RAD51AP2: variants seen among roughly 807,000 people sequenced by gnomAD.
RAD51AP2 encodes RAD51 associated protein 2, also known as RAD51-associated protein 2.
Under a neutral mutation model 85.5 loss-of-function variants are expected in RAD51AP2, and 67 were observed. The ratio of observed to expected loss-of-function variants is 0.78; its 90% confidence interval spans 0.64 to 0.96. The LOEUF (loss-of-function observed/expected upper bound fraction) is 0.96. RAD51AP2 is among the 40% of genes least tolerant of loss of function. The pLI is 0.00. For synonymous variants in RAD51AP2, 474 were observed against 446.5 expected (o/e 1.06, Z -0.78); for missense variants, 1,307 against 1,332.4 (o/e 0.98, Z 0.30).
In RAD51AP2 at chr2:17,517,556, T is replaced by G; in HGVS notation, c.860A>C (p.Glu287Ala). The change falls in exon 1 of 3, where the codon GAG becomes GCG. Residue 287 changes from glutamate to alanine, a missense_variant. This residue lies in a region of RAD51AP2 where 635 missense variants were observed against 643.6 expected (regional missense o/e 0.99). Transcript: ENST00000399080. ...GTTTGTGAAATCCCTAACATATGCC[T>G]CTTTTTTGTCATTCTTTTTCTTCGC... ...EIAKKKNDKKEAYVRDFTNIY... is the reference protein window; with the variant it reads ...EIAKKKNDKKAAYVRDFTNIY... The G allele has an allele frequency of 6.2e-7, 1 of 1,613,700 alleles. No homozygotes were observed. The highest frequency in any genetic ancestry group is 1.1e-5 in the South Asian group (1 of 90,860).
At chr2:17,529,681 C>T in the RAD51AP2 span, among the ~76,000 whole-genome samples, 1 of 152,120 alleles carries the variant, frequency 6.6e-6, no homozygotes, top group Non-Finnish European at 1.5e-5. Context: ...ATATTCCATT[C>T]ATATTAAGAC....
the RAD51AP2 span, among the ~76,000 whole-genome samples, chr2:17,537,481 T>C: frequency 6.6e-6 from 1 of 152,214 alleles, no homozygotes; most frequent in Non-Finnish European, 1.5e-5. Flanking sequence ...TATAAATCCA[T>C]TCTTCAATTC....
chr2:17,531,448 A>T, the RAD51AP2 span, among the ~76,000 whole-genome samples: 1 of 152,218 alleles, frequency 6.6e-6, no homozygotes, highest in Admixed American at 6.5e-5. Flanking sequence ...GAATTCAGTC[A>T]ATGAATGTTT....
chr2:17,516,903 G>C lies in RAD51AP2; in HGVS notation c.1513C>G (p.Pro505Ala). The change falls in exon 1 of 3, where the codon CCT becomes GCT. Residue 505 changes from proline (P) to alanine (A), a missense_variant. By Grantham distance (27) the Pro-to-Ala change is conservative (BLOSUM62 -1). Transcript: ENST00000399080. ...ATTTCTATAATGAAACTTTCAAAAG[G>C]GTTGTTCACATGAAAGACTTTTTGT... ...TTQKVFHVNN[P>A]FESFIIEIFY... is the part of the protein sequence containing the mutation. 6.3e-7 allele frequency: 1 copy of C among 1,587,628 alleles called. No homozygotes were observed.
At chr2:17,523,279 A>C (rs180740536), upstream of RAD51AP2, among the ~76,000 whole-genome samples, 1 of 152,066 alleles carries the variant, frequency 6.6e-6, no homozygotes, top group Admixed American at 6.5e-5. Context: ...TTACAGATTC[A>C]GAAGAGTTGA....
At chr2:17,532,873 C>G in the RAD51AP2 span, among the ~76,000 whole-genome samples, 1 of 152,174 alleles carries the variant, frequency 6.6e-6, no homozygotes, top group East Asian at 1.9e-4. Context: ...TATTAACAGA[C>G]CATGTTCTAC....
the RAD51AP2 span, among the ~76,000 whole-genome samples, chr2:17,534,661 A>G: frequency 4.8e-4 from 73 of 152,282 alleles, no homozygotes; most frequent in African/African-American, 1.8e-3. Context: ...ATCAAATAAC[A>G]TAAGAATAGT....
upstream of RAD51AP2, among the ~76,000 whole-genome samples, chr2:17,522,933 C>A (rs948555359): frequency 2.6e-5 from 4 of 151,854 alleles, no homozygotes; most frequent in Non-Finnish European, 4.4e-5. Context: ...ATACATTTAA[C>A]ATGAAAACTA....
At chr2:17,536,846 T>G in the RAD51AP2 span, among the ~76,000 whole-genome samples, 1 of 152,302 alleles carries the variant, frequency 6.6e-6, no homozygotes, top group East Asian at 1.9e-4. Context: ...CTTCATGGTC[T>G]TGCATTTTTT....
Position 17,516,597 on chromosome 2 carries a change from A to T in RAD51AP2, c.1819T>A (p.Cys607Ser). 1 of 1,580,764 alleles carries T rather than the reference A, an allele frequency of 6.3e-7. No individual in the cohort carries two copies. The highest frequency in any genetic ancestry group is 8.6e-7 in the Non-Finnish European group (1 of 1,165,804). The change falls in exon 1 of 3, where the codon TGC becomes AGC. Residue 607 changes from cysteine to serine, a missense_variant. By Grantham distance (112) the Cys-to-Ser change is moderately radical. This residue lies in a region of RAD51AP2 where 668 missense variants were observed against 671.0 expected (regional missense o/e 1.00). Coordinates refer to ENST00000399080, the MANE Select transcript of RAD51AP2 (RefSeq NM_001099218.3). ...AAATAAAGCATGCACTTGAAAATGC[A>T]TTCCTCTTCTAATTCAAAATCATTT... is the stretch of plus-strand genomic sequence containing the variant. ...IENDFELEEE[C>S]IFKCMLYLKY...
the RAD51AP2 span, among the ~76,000 whole-genome samples, chr2:17,533,152 C>T: frequency 6.6e-6 from 1 of 152,204 alleles, no homozygotes; most frequent in African/African-American, 2.4e-5. Flanking sequence ...TGGCTACAGC[C>T]ATTACCTGTA....
the RAD51AP2 span, among the ~76,000 whole-genome samples, chr2:17,524,586 C>T: frequency 1.1e-4 from 16 of 151,938 alleles, no homozygotes; most frequent in South Asian, 3.3e-3. Context: ...ATTATTCATC[C>T]ATGTTCCCAT....
In RAD51AP2 at chr2:17,511,994, G is replaced by A. The variant is rs1443685998; in HGVS notation, c.3329-1039C>T. ...TTGTTTAAATAAGACAACATTGTTG[G>A]ATCACAAGATCCTCCTCCATTGGTC... On this transcript the variant is annotated intron_variant, in intron 2 of 2. Transcript: ENST00000399080. Among the ~76,000 whole-genome samples, 3 of 152,198 alleles carry A rather than the reference G, an allele frequency of 2.0e-5. No individual in the cohort carries two copies. In the East Asian group the frequency reaches 5.8e-4, roughly 29 times the overall value.
At chr2:17,520,130 C>A (rs375936140), upstream of RAD51AP2, among the ~76,000 whole-genome samples, 34 of 152,192 alleles carry the variant, frequency 2.2e-4, no homozygotes, top group East Asian at 5.6e-3. Flanking sequence ...TGTAACTCAA[C>A]AATTGTTTGA....
chr2:17,516,512 G>A lies in RAD51AP2; in HGVS notation c.1904C>T (p.Ser635Phe). The part of the protein sequence containing the change: ...HTAYLVKILT[S>F]SRLLEDNMKP... ...CATATTATCTTCTAATAGTCTTGAA[G>A]AAGTTAAAATCTTTACTAGATATGC... is the stretch of plus-strand genomic sequence containing the variant. The change falls in exon 1 of 3, where the codon TCT (serine) becomes TTT (phenylalanine). Residue 635 changes from serine to phenylalanine, a missense_variant. By Grantham distance (155) the Ser-to-Phe change is radical (BLOSUM62 -2). This residue lies in a region of RAD51AP2 where 668 missense variants were observed against 671.0 expected (regional missense o/e 1.00). Coordinates refer to ENST00000399080, the MANE Select transcript of RAD51AP2 (RefSeq NM_001099218.3). The A allele has an allele frequency of 6.5e-7, 1 of 1,545,676 alleles. No homozygotes were observed. The highest frequency in any genetic ancestry group is 8.8e-7 in the Non-Finnish European group (1 of 1,133,556).
chr2:17,537,771 A>ATTGT, the RAD51AP2 span, among the ~76,000 whole-genome samples: 1 of 152,138 alleles, frequency 6.6e-6, no homozygotes, highest in African/African-American at 2.4e-5. Flanking sequence ...TACTGTTGGT[A>ATTGT]TTGTTTGTTT....
the RAD51AP2 span, among the ~76,000 whole-genome samples, chr2:17,537,419 T>A: frequency 2.0e-5 from 3 of 152,236 alleles, no homozygotes; most frequent in African/African-American, 7.2e-5. Context: ...GGAATAAAGG[T>A]ATGCTATCCA....
chr2:17,519,365 T>C (rs1326654910), upstream of RAD51AP2, among the ~76,000 whole-genome samples: 1 of 148,804 alleles, frequency 6.7e-6, no homozygotes, highest in Non-Finnish European at 1.5e-5. Context: ...TTCAAAATGT[T>C]TATTATTATT....
chr2:17,523,818 C>T, the RAD51AP2 span, among the ~76,000 whole-genome samples: 1 of 151,952 alleles, frequency 6.6e-6, no homozygotes, highest in African/African-American at 2.4e-5. Flanking sequence ...AACAATGGAT[C>T]AAAAGAATAC....
Sources: gnomAD v4.1 joint callset for allele counts (sites outside exome capture counted in the v4.1 genomes callset) on GRCh38, gnomAD v4.1.1 for gene constraint, gnomAD v4.1.1 regional missense constraint, MANE v1.5 for transcripts, NCBI Gene and HGNC (gene_info 2026-07-23, HGNC 2026-07-21) for gene names.